The following SLC66A3 variants were observed in gnomAD, a reference collection of about 807,000 sequenced individuals.
SLC66A3 encodes the protein PQ loop repeat containing 3.
In SLC66A3, 23 loss-of-function variants were observed where a neutral mutation model predicts 25.5. The observed-to-expected ratio is 0.90, with a 90% CI of 0.65 to 1.28. SLC66A3 has a LOEUF of 1.28. Ranked by LOEUF, SLC66A3 falls within the 50% of genes most tolerant of loss-of-function variation. The probability of loss-of-function intolerance (pLI) is 0.00; values close to 1 mark genes in which losing one functional copy is unlikely to be tolerated. For missense variants in SLC66A3, 246 were observed against 262.1 expected, an observed-to-expected ratio of 0.94 and a Z score of 0.42; for synonymous variants, 108 against 112.6, an observed-to-expected ratio of 0.96 and a Z score of 0.26.
chr2:11,174,913 A>T, intron 5 of SLC66A3, 55 bp from the exon 6 acceptor site: 2 of 1,256,492 alleles, frequency 1.6e-6, no homozygotes, highest in Non-Finnish European at 2.3e-6. Flanking sequence ...TTATTAGCTA[A>T]GCCCCAAAAT....
intron 4 of SLC66A3, among the ~76,000 whole-genome samples, chr2:11,164,791 C>T (rs962209588): frequency 6.6e-6 from 1 of 151,976 alleles, no homozygotes; most frequent in Non-Finnish European, 1.5e-5. Flanking sequence ...CATCTTGCAC[C>T]GCCCTTAATC....
intron 1 of SLC66A3, chr2:11,160,260 C>A: frequency 1.6e-6 from 1 of 615,146 alleles, no homozygotes; most frequent in South Asian, 1.9e-5. Flanking sequence ...GGCCCGGTGC[C>A]CAGTAAGTTC....
At chr2:11,171,336 A>C (rs1049724771) in intron 4 of SLC66A3, among the ~76,000 whole-genome samples, 1 of 151,622 alleles carries the variant, frequency 6.6e-6, no homozygotes, top group Non-Finnish European at 1.5e-5. Flanking sequence ...AACTAACTAA[A>C]TAAATGTCTC....
intron 6 of SLC66A3, among the ~76,000 whole-genome samples, chr2:11,177,356 G>A (rs888923916): frequency 9.9e-5 from 15 of 152,066 alleles, no homozygotes; most frequent in Admixed American, 3.3e-4. Flanking sequence ...GGTGCCTGGG[G>A]AGCTGAGGCG....
At chr2:11,163,048 G>T (rs934395875) in intron 3 of SLC66A3, among the ~76,000 whole-genome samples, 1 of 152,174 alleles carries the variant, frequency 6.6e-6, no homozygotes, top group Non-Finnish European at 1.5e-5. Flanking sequence ...AGACTAGCCT[G>T]GGCAACATAG....
chr2:11,163,249 G>C (rs1362396865), intron 3 of SLC66A3, among the ~76,000 whole-genome samples: 1 of 152,166 alleles, frequency 6.6e-6, no homozygotes, highest in Admixed American at 6.5e-5. Context: ...GATCTCAGGA[G>C]CTCCTACTAT....
At chr2:11,166,098 T>C (rs1320846971) in intron 4 of SLC66A3, among the ~76,000 whole-genome samples, 1 of 152,138 alleles carries the variant, frequency 6.6e-6, no homozygotes, top group Non-Finnish European at 1.5e-5. Flanking sequence ...GGTCTCGAAC[T>C]CCTGACCTCA....
intron 1 of SLC66A3, among the ~76,000 whole-genome samples, chr2:11,158,019 G>A (rs1661968952): frequency 2.6e-5 from 4 of 152,174 alleles, no homozygotes; most frequent in Admixed American, 2.6e-4. Context: ...TGGGTAGGAT[G>A]CCTTTGGAGC....
intron 4 of SLC66A3, 111 bp from the exon 5 acceptor site, chr2:11,171,814 T>A: frequency 9.3e-7 from 1 of 1,075,550 alleles, no homozygotes; most frequent in East Asian, 2.7e-5. Context: ...ATGATCTGCC[T>A]GCCTCGGCCT....
intron 4 of SLC66A3, among the ~76,000 whole-genome samples, chr2:11,169,523 T>C (rs1662469897): frequency 6.6e-6 from 1 of 152,172 alleles, no homozygotes. Flanking sequence ...CTTGAATCAC[T>C]GCCCACCGGG....
Position 11,177,934 on chromosome 2 carries a change from T to C in SLC66A3, c.*106T>C. 1.4e-6 allele frequency: 1 copy of C among 720,784 alleles called. No individual in the cohort carries two copies. Among genetic ancestry groups the C allele is most frequent in the Non-Finnish European group, 2.3e-6 (1 of 437,810 alleles). The allele number at this position is 720,784 out of a possible 1,614,324, so 44.6% of individuals were successfully genotyped here. ...TTTATAAATTTAGTAAATCAGTTTA[T>C]AATCTTTAAAGCCAAAGGTTTTTTT... On this transcript the variant is annotated 3_prime_UTR_variant, in exon 7 of 7. Coordinates refer to ENST00000295083, the MANE Select transcript of SLC66A3 (RefSeq NM_152391.5).
chr2:11,167,193 C>G (rs1201617515), intron 4 of SLC66A3, among the ~76,000 whole-genome samples: 1 of 152,008 alleles, frequency 6.6e-6, no homozygotes, highest in Non-Finnish European at 1.5e-5. Context: ...GCCTGTTATC[C>G]CAGAGCTTTG....
Position 11,157,508 on chromosome 2 carries a change from G to A in SLC66A3, c.143+1819G>A, listed in dbSNP as rs533468545. 4.6e-5 allele frequency among the ~76,000 whole-genome samples: 7 copies of A among 151,830 alleles called. No individual in the cohort carries two copies. In the South Asian group the frequency reaches 1.2e-3, roughly 27 times the overall value. On this transcript the variant is annotated intron_variant, in intron 1 of 6. Transcript: ENST00000295083. Reference sequence around the variant, plus strand: ...CTCATGCCCTTCCCAGCCTTGCCTGGGAGGCCCACCTGGGGCTGGCCATGC... The same window carrying A: ...CTCATGCCCTTCCCAGCCTTGCCTGAGAGGCCCACCTGGGGCTGGCCATGC...
chr2:11,160,295 T>C (rs1662069714), intron 1 of SLC66A3, 171 bp from the exon 2 acceptor site: 1 of 642,536 alleles, frequency 1.6e-6, no homozygotes, highest in Non-Finnish European at 2.8e-6. Context: ...ATTGTACAGA[T>C]GATTCAACTG....
intron 4 of SLC66A3, among the ~76,000 whole-genome samples, chr2:11,164,581 G>A (rs4668719): frequency 0.92 from 136,726 of 147,968 alleles, 63,324 homozygotes; most frequent in East Asian, 1. Context: ...GGTGTTTCTT[G>A]CAGAGGGGGA....
intron 4 of SLC66A3, among the ~76,000 whole-genome samples, chr2:11,167,184 C>G (rs946777220): frequency 2.0e-5 from 3 of 151,974 alleles, no homozygotes; most frequent in African/African-American, 7.3e-5. Flanking sequence ...GTGGCTCATG[C>G]CTGTTATCCC....
At chr2:11,155,723 C>T (rs757181422) in intron 1 of SLC66A3, 34 bp downstream of exon 1, 1 of 1,337,610 alleles carries the variant, frequency 7.5e-7, no homozygotes, top group East Asian at 2.9e-5. Context: ...TGCCTCCTGC[C>T]CCCTCGCAGC....
At chr2:11,164,925 A>G (rs1046393309) in intron 4 of SLC66A3, among the ~76,000 whole-genome samples, 1 of 152,210 alleles carries the variant, frequency 6.6e-6, no homozygotes, top group Non-Finnish European at 1.5e-5. Context: ...GGAGTCTCCC[A>G]TGTCTACTTC....
At chr2:11,166,740 CA>C (rs905441099) in intron 4 of SLC66A3, among the ~76,000 whole-genome samples, 160 of 152,084 alleles carry the variant, frequency 1.1e-3, no homozygotes, top group African/African-American at 3.7e-3. Flanking sequence ...AAAGAAAATA[CA>C]AAAATTAGCC....
Sources: gnomAD v4.1 joint callset for allele counts (sites outside exome capture counted in the v4.1 genomes callset) on GRCh38, gnomAD v4.1.1 for gene constraint, MANE v1.5 for transcripts, NCBI Gene and HGNC (gene_info 2026-07-23, HGNC 2026-07-21) for gene names.